Variants in RC3H2 observed in about 807,000 individuals in gnomAD.
RC3H2 encodes roquin-2.
RC3H2 carries 31 observed loss-of-function variants against 133.3 expected under a neutral mutation model. That is an observed-to-expected ratio of 0.23 (90% confidence interval 0.17 to 0.31). The LOEUF (loss-of-function observed/expected upper bound fraction) is 0.31. Ranked by LOEUF, RC3H2 falls within the 10% of genes least tolerant of loss-of-function variation. The pLI, the probability that RC3H2 is intolerant of heterozygous loss-of-function variation, is 1.00. For missense variants in RC3H2, 1,175 were observed against 1,437.2 expected (o/e 0.82, Z 2.95); for synonymous variants, 517 against 502.2 (o/e 1.03, Z -0.40).
chr9:122,877,416 A>T, intron 9 of RC3H2, 55 bp downstream of exon 9: 1 of 1,384,420 alleles, frequency 7.2e-7, no homozygotes, highest in Non-Finnish European at 1.0e-6. Context: ...TGTATATAAC[A>T]TTCCCATAAA....
rs79832342 is a variant in RC3H2 at position 122,860,368 on chromosome 9, G to C, written c.1635-237C>G. On this transcript the variant is annotated intron_variant, in intron 10 of 20. Coordinates refer to ENST00000357244, the MANE Select transcript of RC3H2 (RefSeq NM_001100588.3). ...CCACAGGGAATAAAAACGATTCCCA[G>C]ATATTAACGTGATTCATTAGTCACC... Among the ~76,000 whole-genome samples the C allele has an allele frequency of 4.9e-3, 733 of 150,368 alleles. 7 individuals carry two copies. The highest frequency in any genetic ancestry group is 0.027 in the South Asian group (128 of 4,740).
chr9:122,863,983 C>G (rs1830550488), intron 10 of RC3H2, among the ~76,000 whole-genome samples: 1 of 152,204 alleles, frequency 6.6e-6, no homozygotes, highest in Non-Finnish European at 1.5e-5. Context: ...GTGATCTGCC[C>G]ACCTCGGCCT....
intron 1 of RC3H2, among the ~76,000 whole-genome samples, chr9:122,903,149 T>G (rs1832721070): frequency 6.6e-6 from 1 of 152,208 alleles, no homozygotes; most frequent in Non-Finnish European, 1.5e-5. Flanking sequence ...ATCAGGAAAT[T>G]GAGGTAAAAC....
chr9:122,854,454 TG>T, intron 16 of RC3H2, 76 bp downstream of exon 16: 1 of 1,232,452 alleles, frequency 8.1e-7, no homozygotes, highest in Non-Finnish European at 1.2e-6. Context: ...TTTCATGAAC[TG>T]GGGGTAGAAT....
chr9:122,848,982 A>AT lies in RC3H2; in HGVS notation c.*644dup, dbSNP rs1368185444. On this transcript the variant is annotated 3_prime_UTR_variant, in exon 21 of 21. Coordinates refer to ENST00000357244, the MANE Select transcript of RC3H2 (RefSeq NM_001100588.3). ...AGAAACTACTCTTGAAAAATGGAAAATTAAAAAAAAATTATATGCTACAGA... is the reference window on the plus strand; with the variant it reads ...AGAAACTACTCTTGAAAAATGGAAAATTTAAAAAAAAATTATATGCTACAGA... 1 of 152,180 alleles carries AT rather than the reference A, an allele frequency of 6.6e-6. No homozygotes were observed. Among genetic ancestry groups the AT allele is most frequent in the Non-Finnish European group, 1.5e-5 (1 of 68,014 alleles). 9.4% of individuals were successfully genotyped at this position (152,180 alleles called of 1,614,324 possible).
Position 122,858,797 on chromosome 9 carries a change from G to A in RC3H2, c.2155C>T (p.Pro719Ser). The A allele has an allele frequency of 6.2e-7, 1 of 1,614,280 alleles. No homozygotes were observed. Among genetic ancestry groups the A allele is most frequent in the Admixed American group, 1.7e-5 (1 of 60,034 alleles). The stretch of plus-strand genomic sequence containing the variant: ...ACAGATGAGTGCATCACATCCATTG[G>A]AGGTAAAGAATTGCTTCTAATAATG... ...DDIIRSNSLP[P>S]MDVMHSSVYQ... Residue 719 changes from proline to serine, a missense_variant, in exon 12 of 21, where the codon CCA (proline) becomes TCA (serine). Pro to Ser is a moderately conservative substitution (Grantham distance 74). Coordinates refer to ENST00000357244, the MANE Select transcript of RC3H2 (RefSeq NM_001100588.3).
At chr9:122,900,651 T>C (rs2131511240) in intron 1 of RC3H2, among the ~76,000 whole-genome samples, 1 of 152,302 alleles carries the variant, frequency 6.6e-6, no homozygotes, top group Middle Eastern at 3.4e-3. Context: ...ATGCAACTTA[T>C]TTGAGTCTAT....
rs562745348 is a variant in RC3H2, at chr9:122,845,874, T to C, written c.*3753A>G. 1 of 152,320 alleles carries C rather than the reference T, an allele frequency of 6.6e-6. No individual in the cohort carries two copies. Among genetic ancestry groups the C allele is most frequent in the African/African-American group, 2.4e-5 (1 of 41,576 alleles). The allele number at this position is 152,320 out of a possible 1,614,324, so 9.4% of individuals were successfully genotyped here. ...AAAGTTCTTCCAGGAAACCAATGCA[T>C]AGTTGCAATGCAACTTTTCCCTTTA... On this transcript the variant is annotated 3_prime_UTR_variant, in exon 21 of 21. Coordinates refer to ENST00000357244, the MANE Select transcript of RC3H2 (RefSeq NM_001100588.3).
chr9:122,894,607 C>T (rs541428846), intron 2 of RC3H2, among the ~76,000 whole-genome samples: 83 of 152,124 alleles, frequency 5.5e-4, no homozygotes, highest in African/African-American at 1.8e-3. Context: ...AGGCTGGGCA[C>T]GGTTGCTCAC....
intron 9 of RC3H2, chr9:122,874,292 A>G (rs992595402): frequency 2.6e-5 from 4 of 152,148 alleles, no homozygotes; most frequent in Non-Finnish European, 4.4e-5. Context: ...TCTGTGATGT[A>G]CTGAGGAACT....
chr9:122,875,362 G>T, intron 9 of RC3H2: 1 of 1,548,688 alleles, frequency 6.5e-7, no homozygotes, highest in Non-Finnish European at 8.7e-7. Context: ...GTCCACGGGG[G>T]TTACACTTAT....
intron 11 of RC3H2, among the ~76,000 whole-genome samples, chr9:122,859,651 A>C (rs1172958214): frequency 6.6e-6 from 1 of 152,210 alleles, no homozygotes; most frequent in Non-Finnish European, 1.5e-5. Context: ...ATAAGCATAC[A>C]TAAATAAAAC....
chr9:122,857,898 A>T (rs1830306510), intron 13 of RC3H2, 25 bp downstream of exon 13: 2 of 1,603,110 alleles, frequency 1.2e-6, no homozygotes, highest in Non-Finnish European at 1.7e-6. Flanking sequence ...TCCCTGCAAC[A>T]TTAAGTAATT....
chr9:122,881,821 A>G (rs1163140756), intron 5 of RC3H2, among the ~76,000 whole-genome samples: 2 of 152,172 alleles, frequency 1.3e-5, no homozygotes, highest in Admixed American at 6.6e-5. Context: ...CACTGCACAG[A>G]GCTGATTGAG....
intron 6 of RC3H2, 142 bp downstream of exon 6, chr9:122,880,452 A>T: frequency 1.3e-6 from 1 of 745,074 alleles, no homozygotes; most frequent in Non-Finnish European, 2.2e-6. Context: ...AAAAATAAAA[A>T]GAAAATAAGG....
At chr9:122,860,703 C>T (rs529219099) in intron 10 of RC3H2, among the ~76,000 whole-genome samples, 157 of 151,878 alleles carry the variant, frequency 1.0e-3, no homozygotes, top group African/African-American at 3.6e-3. Flanking sequence ...CATCAGCCAC[C>T]GTGCCTGGCC....
rs1210349570 is a variant in RC3H2, at chr9:122,845,550, G to GA, written c.*4076dup. On this transcript the variant is annotated 3_prime_UTR_variant, in exon 21 of 21. Transcript: ENST00000357244. ...ATTTTAAAAATTTTATTAAAAAAAA[G>GA]AAAAAACTGCCAATTTTAGACTAGA... 1.3e-5 allele frequency: 2 copies of GA among 152,170 alleles called. No individual in the cohort carries two copies. The highest frequency in any genetic ancestry group is 2.1e-4 in the South Asian group (1 of 4,824). 9.4% of individuals were successfully genotyped at this position (152,170 alleles called of 1,614,324 possible).
intron 3 of RC3H2, 57 bp from the exon 4 acceptor site, chr9:122,890,602 A>C: frequency 1.5e-6 from 2 of 1,334,600 alleles, no homozygotes; most frequent in Non-Finnish European, 2.1e-6. Flanking sequence ...AATAAAAGTC[A>C]ATTTTCATTA....
chr9:122,873,872 T>A (rs891264022), intron 9 of RC3H2: 7 of 152,132 alleles, frequency 4.6e-5, no homozygotes, highest in African/African-American at 1.7e-4. Flanking sequence ...CACAGGAGTA[T>A]AGTGGCGCCA....
Sources: gnomAD v4.1 joint callset for allele counts (sites outside exome capture counted in the v4.1 genomes callset) on GRCh38, gnomAD v4.1.1 for gene constraint, MANE v1.5 for transcripts, NCBI Gene and HGNC (gene_info 2026-07-23, HGNC 2026-07-21) for gene names.